Variants in COL15A1 observed in about 807,000 individuals in gnomAD.
COL15A1 encodes the protein collagen type XV alpha 1 chain, also known as collagen alpha-1(XV) chain.
In COL15A1, 111 loss-of-function variants were observed where a neutral mutation model predicts 165.9. The observed-to-expected ratio is 0.67, with a 90% CI of 0.57 to 0.78. COL15A1 has a LOEUF of 0.78. Ranked by LOEUF, COL15A1 falls within the 30% of genes least tolerant of loss-of-function variation. COL15A1 has a pLI of 0.00. For missense variants in COL15A1, 1,745 were observed against 1,789.7 expected (o/e 0.98, Z 0.45); for synonymous variants, 659 against 674.8 (o/e 0.98, Z 0.36).
intron 9 of COL15A1, among the ~76,000 whole-genome samples, chr9:99,011,750 A>G (rs1025647496): frequency 2.6e-5 from 4 of 152,042 alleles, no homozygotes; most frequent in African/African-American, 9.7e-5. Flanking sequence ...ACATTTGTCT[A>G]TAAGTATTTA....
chr9:99,001,107 A>G (rs984751498), intron 7 of COL15A1, among the ~76,000 whole-genome samples, 156 bp downstream of exon 7: 5 of 152,234 alleles, frequency 3.3e-5, no homozygotes, highest in Non-Finnish European at 7.3e-5. Flanking sequence ...AGAGGAGGTC[A>G]GAGTCCCAGG....
intron 2 of COL15A1, 127 bp downstream of exon 2, chr9:98,944,377 T>A: frequency 2.1e-6 from 2 of 961,038 alleles, no homozygotes; most frequent in East Asian, 5.3e-5. Context: ...TGCCACTCAG[T>A]GCGCACTGGC....
chr9:99,028,246 T>C (rs562390762), intron 16 of COL15A1, among the ~76,000 whole-genome samples: 27 of 152,288 alleles, frequency 1.8e-4, no homozygotes, highest in African/African-American at 6.3e-4. Context: ...AAATGTTTTT[T>C]ATATAATAAT....
At chr9:99,050,846 C>T (rs1241757128) in intron 30 of COL15A1, among the ~76,000 whole-genome samples, 2 of 152,172 alleles carry the variant, frequency 1.3e-5, no homozygotes, top group South Asian at 2.1e-4. Context: ...TTCAAAATGA[C>T]GCAGTTTGGC....
chr9:98,964,627 A>G (rs578012600), intron 2 of COL15A1, among the ~76,000 whole-genome samples: 2 of 152,308 alleles, frequency 1.3e-5, no homozygotes, highest in South Asian at 4.1e-4. Flanking sequence ...ACAGATTCAA[A>G]TGCATTCCTT....
intron 2 of COL15A1, among the ~76,000 whole-genome samples, chr9:98,972,670 TC>T (rs1300368441): frequency 2.0e-5 from 3 of 152,084 alleles, no homozygotes; most frequent in Non-Finnish European, 2.9e-5. Flanking sequence ...TCATTCAGAG[TC>T]CCCTTTGCCA....
chr9:99,042,868 C>T (rs1380032979), intron 24 of COL15A1, among the ~76,000 whole-genome samples: 3 of 152,120 alleles, frequency 2.0e-5, no homozygotes, highest in Admixed American at 6.5e-5. Flanking sequence ...GGGAGAGTGA[C>T]GTCCATAAAC....
chr9:99,066,346 G>T lies in COL15A1; in HGVS notation c.3652-536G>T, dbSNP rs16918194. On this transcript the variant is annotated intron_variant, in intron 39 of 41. Transcript: ENST00000375001. Reference sequence around the variant, plus strand: ...AGTTCCAGAAGGGTCTATCTCAGCAGTCTTAGTCATAGGTGCCATACCCTT... The same window carrying T: ...AGTTCCAGAAGGGTCTATCTCAGCATTCTTAGTCATAGGTGCCATACCCTT... Among the ~76,000 whole-genome samples the T allele has an allele frequency of 6.5e-3, 986 of 152,348 alleles. 48 individuals are homozygous for T. In the South Asian group the frequency reaches 0.11, roughly 16 times the overall value.
intron 2 of COL15A1, among the ~76,000 whole-genome samples, chr9:98,954,592 T>G (rs1397934714): frequency 6.6e-6 from 1 of 152,244 alleles, no homozygotes; most frequent in African/African-American, 2.4e-5. Context: ...CTCACTATTA[T>G]GAACACTATT....
At chr9:98,982,617 C>T (rs200344817) in intron 2 of COL15A1, among the ~76,000 whole-genome samples, 3 of 150,464 alleles carry the variant, frequency 2.0e-5, no homozygotes, top group Non-Finnish European at 4.4e-5. Flanking sequence ...ACAGTGATGA[C>T]GATGATGATG....
intron 11 of COL15A1, among the ~76,000 whole-genome samples, chr9:99,019,497 G>A (rs537104111): frequency 6.8e-4 from 104 of 151,960 alleles, no homozygotes; most frequent in Non-Finnish European, 1.3e-3. Context: ...TTACAGGCGT[G>A]AGCCGCTGCA....
intron 36 of COL15A1, among the ~76,000 whole-genome samples, chr9:99,061,361 G>A (rs1343933078): frequency 6.6e-6 from 1 of 152,136 alleles, no homozygotes; most frequent in African/African-American, 2.4e-5. Context: ...ATAGATTTTT[G>A]TAGCTTCTGT....
At chr9:99,062,547 G>A (rs1360474911) in intron 38 of COL15A1, among the ~76,000 whole-genome samples, 1 of 152,216 alleles carries the variant, frequency 6.6e-6, no homozygotes, top group Admixed American at 6.5e-5. Flanking sequence ...TTCTTGGGCA[G>A]AGGGCTTCCT....
At chr9:98,991,007 T>C (rs1407571239) in intron 5 of COL15A1, among the ~76,000 whole-genome samples, 1 of 151,974 alleles carries the variant, frequency 6.6e-6, no homozygotes, top group Non-Finnish European at 1.5e-5. Flanking sequence ...TCGCGGTGAG[T>C]GTTACAACTC....
At chr9:99,060,849 C>A (rs549707723) in intron 36 of COL15A1, among the ~76,000 whole-genome samples, 1 of 151,992 alleles carries the variant, frequency 6.6e-6, no homozygotes, top group Non-Finnish European at 1.5e-5. Flanking sequence ...CACTGCACTC[C>A]AGCCTGGGTG....
chr9:99,031,768 A>G (rs548697506), intron 16 of COL15A1, among the ~76,000 whole-genome samples: 2 of 152,342 alleles, frequency 1.3e-5, no homozygotes, highest in African/African-American at 4.8e-5. Context: ...ATTTATTAAA[A>G]TTAAAATTAA....
intron 2 of COL15A1, among the ~76,000 whole-genome samples, chr9:98,957,739 T>C (rs984386135): frequency 1.3e-5 from 2 of 152,198 alleles, no homozygotes; most frequent in African/African-American, 4.8e-5. Context: ...GGTGCAGTGG[T>C]GCAATCACAG....
chr9:99,023,405 G>A lies in COL15A1; in HGVS notation c.1810G>A (p.Gly604Ser), dbSNP rs773623573. Residue 604 changes from glycine to serine, a missense_variant, in exon 14 of 42, where the codon GGC (glycine) becomes AGC (serine). By Grantham distance (56) the Gly-to-Ser change is moderately conservative. Transcript: ENST00000375001. The part of the protein sequence containing the change: ...GSGLGWGSDV[G>S]SGSGDLVGSE... ...TGGCCTAGGCTGGGGCTCGGACGTC[G>A]GCTCTGGCTCTGGTGACCTGGTGGG... The A allele has an allele frequency of 2.5e-5, 39 of 1,584,948 alleles. No individual in the cohort carries two copies. Among genetic ancestry groups the A allele is most frequent in the Non-Finnish European group, 3.1e-5 (36 of 1,154,362 alleles).
chr9:99,062,224 A>G lies in COL15A1; in HGVS notation c.3532-21A>G, dbSNP rs116509133. 7.5e-4 allele frequency: 1,200 copies of G among 1,610,662 alleles called. 4 individuals carry two copies. The African/African-American group carries it at 0.013, about 18-fold the overall frequency. ...AAGTTTGTAATTGATCTTTCATTTC[A>G]ATGTACTGTTTTTCTTAAAGCTGGG... is the stretch of plus-strand genomic sequence containing the variant. On this transcript the variant is annotated intron_variant, in intron 37 of 41. Transcript: ENST00000375001.
Sources: gnomAD v4.1 joint callset for allele counts (sites outside exome capture counted in the v4.1 genomes callset) on GRCh38, gnomAD v4.1.1 for gene constraint, MANE v1.5 for transcripts, NCBI Gene and HGNC (gene_info 2026-07-23, HGNC 2026-07-21) for gene names.